LRMDA: variants seen among roughly 807,000 people sequenced by gnomAD.
LRMDA encodes leucine rich melanocyte differentiation associated.
In LRMDA, 18 loss-of-function variants were observed where a neutral mutation model predicts 29.8. The observed-to-expected ratio is 0.60, with a 90% CI of 0.42 to 0.90. The LOEUF (loss-of-function observed/expected upper bound fraction) is 0.90, where lower values mean the gene tolerates loss of function less well. LRMDA is among the 40% of genes least tolerant of loss of function. The pLI, the probability that LRMDA is intolerant of heterozygous loss-of-function variation, is 0.00. For missense variants in LRMDA, 273 were observed against 273.9 expected (o/e 1.00, Z 0.02); for synonymous variants, 125 against 109.4 (o/e 1.14, Z -0.89).
chr10:76,210,041 C>T (rs1318319096), intron 5 of LRMDA, among the ~76,000 whole-genome samples: 2 of 152,164 alleles, frequency 1.3e-5, no homozygotes, highest in Non-Finnish European at 2.9e-5. Context: ...ACCTTCTCCC[C>T]AGAATCAGAT....
At chr10:76,363,176 A>AGAAAAAAAGAAAGAAAGAAAGGAG (rs1459442138) in intron 6 of LRMDA, among the ~76,000 whole-genome samples, 22 of 21,794 alleles carry the variant, frequency 1.0e-3, no homozygotes, top group African/African-American at 3.2e-3. Flanking sequence ...AAAGAAAGAA[A>AGAAAAAAAGAAAGAAAGAAAGGAG]GGAGGGAGGG....
rs575329096 is a variant in LRMDA, at chr10:75,565,774, A to G, written c.131+127280A>G. Among the ~76,000 whole-genome samples the G allele has an allele frequency of 2.4e-4, 36 of 152,304 alleles. No individual in the cohort carries two copies. In the South Asian group the frequency reaches 3.7e-3, roughly 16 times the overall value. The stretch of plus-strand genomic sequence containing the variant: ...AAACTCTAAATCATTGGGGTCATGT[A>G]TGATTAAAGGACAGAGGAGGCTGGG... On this transcript the variant is annotated intron_variant, in intron 2 of 6. Transcript: ENST00000611255.
chr10:76,124,954 G>C (rs1230256689), intron 5 of LRMDA, among the ~76,000 whole-genome samples: 1 of 152,208 alleles, frequency 6.6e-6, no homozygotes, highest in Non-Finnish European at 1.5e-5. Flanking sequence ...ACTGTCAGTA[G>C]AGAAATGTGT....
In LRMDA at chr10:76,092,692, A is replaced by G. The variant is rs117990903; in HGVS notation, c.516+33909A>G. ...TAATACTGTATCTTTGCAAAGTTGC[A>G]TAATTTTTTTCGGTAGTTGCTGTGA... is the stretch of plus-strand genomic sequence containing the variant. On this transcript the variant is annotated intron_variant, in intron 5 of 6. Coordinates refer to ENST00000611255, the MANE Select transcript of LRMDA (RefSeq NM_001305581.2). Among the ~76,000 whole-genome samples the G allele has an allele frequency of 6.6e-5, 10 of 152,310 alleles. No homozygotes were observed. The East Asian group carries it at 1.9e-3, about 29-fold the overall frequency.
intron 6 of LRMDA, among the ~76,000 whole-genome samples, chr10:76,375,133 A>T (rs544945160): frequency 6.6e-6 from 1 of 152,256 alleles, no homozygotes; most frequent in East Asian, 1.9e-4. Context: ...GCTAAAAAAA[A>T]TGGGATTTGC....
intron 2 of LRMDA, among the ~76,000 whole-genome samples, chr10:76,032,275 CT>C (rs943968661): frequency 2.0e-5 from 3 of 152,158 alleles, no homozygotes; most frequent in African/African-American, 4.8e-5. Context: ...TGTGGGGCCC[CT>C]GGCCCCCTAC....
At chr10:75,904,017 T>C (rs1444825249) in intron 2 of LRMDA, among the ~76,000 whole-genome samples, 1 of 152,200 alleles carries the variant, frequency 6.6e-6, no homozygotes, top group Non-Finnish European at 1.5e-5. Flanking sequence ...TACCCATAGA[T>C]TCAAGAGACT....
rs531849721 is a variant in LRMDA, at chr10:76,363,297, A to G, written c.601+38812A>G. On this transcript the variant is annotated intron_variant, in intron 6 of 6. Transcript: ENST00000611255. ...AAGGAAAGGAAGGAAGGAAGGAAGG[A>G]AGGGAGGAAGGGAGGAAGGAAAAAG... 7.4e-4 allele frequency among the ~76,000 whole-genome samples: 108 copies of G among 146,808 alleles called. 1 individual carries two copies. Among genetic ancestry groups the G allele is most frequent in the Middle Eastern group, 3.5e-3 (1 of 288 alleles).
chr10:75,502,243 C>T (rs899965509), intron 2 of LRMDA, among the ~76,000 whole-genome samples: 2 of 152,184 alleles, frequency 1.3e-5, no homozygotes, highest in East Asian at 3.9e-4. Flanking sequence ...TTAAGTCCAA[C>T]TGCGTGCCCA....
chr10:75,890,651 C>T (rs1464769947), intron 2 of LRMDA, among the ~76,000 whole-genome samples: 1 of 152,106 alleles, frequency 6.6e-6, no homozygotes, highest in African/African-American at 2.4e-5. Flanking sequence ...AGGACCTGTA[C>T]CATGCTTTAC....
chr10:75,479,278 C>CG (rs1375495159), intron 2 of LRMDA, among the ~76,000 whole-genome samples: 6 of 151,998 alleles, frequency 3.9e-5, no homozygotes, highest in African/African-American at 1.4e-4. Flanking sequence ...GAGGCCGAGG[C>CG]GGGTGGATCA....
chr10:75,830,735 A>G (rs1303206956), intron 2 of LRMDA, among the ~76,000 whole-genome samples: 1 of 152,168 alleles, frequency 6.6e-6, no homozygotes, highest in South Asian at 2.1e-4. Context: ...GTCAAACTAT[A>G]TCATTCTGCC....
At chr10:76,208,691 T>A (rs531797774) in intron 5 of LRMDA, among the ~76,000 whole-genome samples, 1 of 152,126 alleles carries the variant, frequency 6.6e-6, no homozygotes, top group South Asian at 2.1e-4. Context: ...AAGCCCAGGG[T>A]AATCTGTTAG....
At chr10:76,176,871 T>C (rs1365855959) in intron 5 of LRMDA, among the ~76,000 whole-genome samples, 2 of 152,202 alleles carry the variant, frequency 1.3e-5, no homozygotes, top group African/African-American at 4.8e-5. Flanking sequence ...TGTATCAAGG[T>C]GATGGTAAGA....
At chr10:75,468,639 G>A (rs1844686884) in intron 2 of LRMDA, among the ~76,000 whole-genome samples, 1 of 152,134 alleles carries the variant, frequency 6.6e-6, no homozygotes, top group African/African-American at 2.4e-5. Context: ...GGAATAAAAG[G>A]AAACTTTTTT....
chr10:75,450,241 GAC>G (rs908753831), intron 2 of LRMDA: 2 of 152,060 alleles, frequency 1.3e-5, no homozygotes, highest in African/African-American at 4.8e-5. Flanking sequence ...ATGAGAGAGA[GAC>G]ACACACATGT....
In LRMDA at chr10:75,879,404, A is replaced by G. The variant is rs1047351555; in HGVS notation, c.132-156604A>G. On this transcript the variant is annotated intron_variant, in intron 2 of 6. Coordinates refer to ENST00000611255, the MANE Select transcript of LRMDA (RefSeq NM_001305581.2). ...TAGAGTAGACACTCTTTAATTTCCA[A>G]CCGCCTTGAGCCCTGGAATCTGCAT... is the stretch of plus-strand genomic sequence containing the variant. Among the ~76,000 whole-genome samples the G allele has an allele frequency of 3.7e-4, 56 of 152,158 alleles. 1 individual carries two copies. The highest frequency in any genetic ancestry group is 1.2e-3 in the African/African-American group (51 of 41,424).
At chr10:76,455,797 A>T (rs897187967) in intron 6 of LRMDA, among the ~76,000 whole-genome samples, 4 of 152,150 alleles carry the variant, frequency 2.6e-5, no homozygotes, top group African/African-American at 9.7e-5. Context: ...ATCTTCTGGG[A>T]CCATCCTACT....
chr10:76,126,495 A>G (rs1487792327), intron 5 of LRMDA, among the ~76,000 whole-genome samples: 2 of 152,176 alleles, frequency 1.3e-5, no homozygotes, highest in Non-Finnish European at 2.9e-5. Context: ...GAATATTGCA[A>G]TGAAATATAG....
Sources: gnomAD v4.1 joint callset for allele counts (sites outside exome capture counted in the v4.1 genomes callset) on GRCh38, gnomAD v4.1.1 for gene constraint, MANE v1.5 for transcripts, NCBI Gene and HGNC (gene_info 2026-07-23, HGNC 2026-07-21) for gene names.